Variants in PIK3C2G observed in about 807,000 individuals in gnomAD.
PIK3C2G encodes the protein phosphatidylinositol-4-phosphate 3-kinase catalytic subunit type 2 gamma.
In PIK3C2G, 168 loss-of-function variants were observed where a neutral mutation model predicts 181.1. That is an observed-to-expected ratio of 0.93 (90% CI 0.82 to 1.05). PIK3C2G has a LOEUF of 1.05. PIK3C2G is among the 50% of genes least tolerant of loss of function. The pLI, the probability that PIK3C2G is intolerant of heterozygous loss-of-function variation, is 0.00. For synonymous variants in PIK3C2G, 573 were observed against 592.2 expected (o/e 0.97, Z 0.47); for missense variants, 1,869 against 1,732.8 (o/e 1.08, Z -1.40).
At chr12:18,327,767 A>C (rs529647318) in intron 8 of PIK3C2G, among the ~76,000 whole-genome samples, 1 of 152,170 alleles carries the variant, frequency 6.6e-6, no homozygotes, top group South Asian at 2.1e-4. Flanking sequence ...CTCCCCCCCA[A>C]GGTATCACTG....
intron 7 of PIK3C2G, among the ~76,000 whole-genome samples, chr12:18,322,863 T>C (rs1951171460): frequency 6.6e-6 from 1 of 152,184 alleles, no homozygotes. Context: ...ATTTCTGTTG[T>C]ATAACATACA....
At chr12:18,625,702 C>T (rs982706356) in intron 31 of PIK3C2G, among the ~76,000 whole-genome samples, 13 of 151,802 alleles carry the variant, frequency 8.6e-5, no homozygotes, top group Non-Finnish European at 8.9e-5. Flanking sequence ...ATAGCTCTTC[C>T]ACTGTTAGAA....
At chr12:18,253,415 G>C (rs1402465856) in intron 1 of PIK3C2G, among the ~76,000 whole-genome samples, 1 of 152,104 alleles carries the variant, frequency 6.6e-6, no homozygotes, top group Non-Finnish European at 1.5e-5. Context: ...AAGAAGCAAA[G>C]GTATGTGAAT....
chr12:18,376,136 TG>T (rs1179231758), intron 13 of PIK3C2G, among the ~76,000 whole-genome samples: 4 of 152,166 alleles, frequency 2.6e-5, no homozygotes, highest in African/African-American at 9.7e-5. Context: ...AGTAGAGATG[TG>T]GGAAGTGGGC....
chr12:18,285,701 A>G (rs1257659356), intron 2 of PIK3C2G, among the ~76,000 whole-genome samples: 1 of 151,962 alleles, frequency 6.6e-6, no homozygotes, highest in Non-Finnish European at 1.5e-5. Flanking sequence ...ATGAATTATA[A>G]AAAAAAGAAA....
At chr12:18,520,949 G>C (rs1017193666) in intron 24 of PIK3C2G, among the ~76,000 whole-genome samples, 1 of 152,124 alleles carries the variant, frequency 6.6e-6, no homozygotes, top group African/African-American at 2.4e-5. Flanking sequence ...TGTTGATGCT[G>C]TTGTTGTTGC....
At chr12:18,370,369 G>C (rs1393562474) in intron 12 of PIK3C2G, among the ~76,000 whole-genome samples, 1 of 152,032 alleles carries the variant, frequency 6.6e-6, no homozygotes. Flanking sequence ...TTATTTGCTA[G>C]TATCTATAAT....
chr12:18,479,216 C>T (rs1424128408), intron 18 of PIK3C2G, among the ~76,000 whole-genome samples: 1 of 151,916 alleles, frequency 6.6e-6, no homozygotes. Flanking sequence ...GAACATGAGA[C>T]TTCAGAGTGT....
the PIK3C2G span, among the ~76,000 whole-genome samples, chr12:18,700,495 A>G: frequency 7.3e-6 from 1 of 136,648 alleles, no homozygotes; most frequent in African/African-American, 2.7e-5. Flanking sequence ...GCGCATAACC[A>G]GATCAGAGCC....
upstream of PIK3C2G, among the ~76,000 whole-genome samples, chr12:18,246,754 G>A (rs930706093): frequency 2.0e-5 from 3 of 152,088 alleles, no homozygotes; most frequent in African/African-American, 4.8e-5. Flanking sequence ...TTTACCATCA[G>A]CAATACGGCA....
the PIK3C2G span, among the ~76,000 whole-genome samples, chr12:18,670,974 A>C: frequency 6.6e-6 from 1 of 152,026 alleles, no homozygotes; most frequent in East Asian, 1.9e-4. Context: ...TGAGGTCAGG[A>C]GTTAGAGCAC....
At chr12:18,262,595 C>T (rs959570908) in intron 1 of PIK3C2G, among the ~76,000 whole-genome samples, 2 of 146,684 alleles carry the variant, frequency 1.4e-5, no homozygotes, top group Non-Finnish European at 3.0e-5. Context: ...AAGAAAATAG[C>T]TAACCATGAG....
intron 16 of PIK3C2G, among the ~76,000 whole-genome samples, chr12:18,412,698 A>G (rs1191742032): frequency 6.6e-6 from 1 of 152,232 alleles, no homozygotes; most frequent in African/African-American, 2.4e-5. Context: ...ATAATTATTG[A>G]TAGATATCAT....
At chr12:18,557,558 T>G (rs11044182) in intron 26 of PIK3C2G, among the ~76,000 whole-genome samples, 3 of 152,104 alleles carry the variant, frequency 2.0e-5, no homozygotes, top group Non-Finnish European at 4.4e-5. Flanking sequence ...CATTGAAAGT[T>G]TTTCCTTTGT....
rs566334976 is a variant in PIK3C2G at position 18,321,848 on chromosome 12, A to G, written c.1208+816A>G. On this transcript the variant is annotated intron_variant, in intron 7 of 32. Coordinates refer to ENST00000538779, the MANE Select transcript of PIK3C2G (RefSeq NM_001288772.2). ...ACAAACTAACATAGAAACAGAAAAC[A>G]AAATACCACACATTCTCACTTATAA... Among the ~76,000 whole-genome samples, 734 of 152,288 alleles carry G rather than the reference A, an allele frequency of 4.8e-3. 2 individuals carry two copies. Among genetic ancestry groups the G allele is most frequent in the African/African-American group, 0.017 (691 of 41,566 alleles).
the PIK3C2G span, among the ~76,000 whole-genome samples, chr12:18,700,687 T>C: frequency 2.0e-5 from 3 of 152,112 alleles, no homozygotes; most frequent in East Asian, 1.9e-4. Flanking sequence ...TGTGAGACAC[T>C]ATATCAAGTC....
chr12:18,639,097 C>G (rs932941695), intron 31 of PIK3C2G, among the ~76,000 whole-genome samples: 1 of 151,984 alleles, frequency 6.6e-6, no homozygotes, highest in African/African-American at 2.4e-5. Flanking sequence ...ACCTTGAGCT[C>G]CAATAAAGTA....
At chr12:18,405,071 A>G (rs558185440) in intron 16 of PIK3C2G, among the ~76,000 whole-genome samples, 5 of 152,322 alleles carry the variant, frequency 3.3e-5, no homozygotes, top group African/African-American at 9.6e-5. Flanking sequence ...GGGAAACTTG[A>G]TAGATAATTG....
At chr12:18,255,212 C>T (rs1948132321) in intron 1 of PIK3C2G, among the ~76,000 whole-genome samples, 1 of 76,732 alleles carries the variant, frequency 1.3e-5, no homozygotes, top group African/African-American at 4.3e-5. Context: ...GAAACTCCGT[C>T]TCAAAAATAA....
Sources: allele counts gnomAD v4.1 joint callset (sites outside exome capture counted in the v4.1 genomes callset), GRCh38; gene constraint gnomAD v4.1.1; transcripts MANE v1.5; gene names NCBI Gene and HGNC (gene_info 2026-07-23, HGNC 2026-07-21).